Variants in GSE1 observed in about 807,000 individuals in gnomAD.
The protein encoded by GSE1 is Gse1 coiled-coil protein.
GSE1 carries 32 observed loss-of-function variants against 112.6 expected under a neutral mutation model. The observed-to-expected ratio is 0.28, with a 90% confidence interval of 0.21 to 0.38. The LOEUF (loss-of-function observed/expected upper bound fraction) is 0.38. GSE1 is among the 10% of genes least tolerant of loss of function. The pLI is 1.00. For synonymous variants in GSE1, 1,115 were observed against 735.6 expected (o/e 1.52, Z -8.35); for missense variants, 2,348 against 1,699.2 (o/e 1.38, Z -6.71).
Position 85,392,711 on chromosome 16 carries a change from G to A in GSE1, c.2464+35068G>A, listed in dbSNP as rs1455966569. Among the ~76,000 whole-genome samples the A allele has an allele frequency of 3.3e-5, 5 of 152,226 alleles. No homozygotes were observed. In the East Asian group the frequency reaches 9.6e-4, roughly 29 times the overall value. Reference sequence around the variant, plus strand: ...CCACTATCTCTGTATCACAGATGAGGAAACTGAGAGCCAGCCGCATATCAC... The same window carrying A: ...CCACTATCTCTGTATCACAGATGAGAAAACTGAGAGCCAGCCGCATATCAC... On this transcript the variant is annotated intron_variant, in intron 2 of 2. Transcript: ENST00000637419.
intron 2 of GSE1, among the ~76,000 whole-genome samples, chr16:85,502,514 A>G (rs1361417318): frequency 1.3e-5 from 2 of 152,236 alleles, no homozygotes; most frequent in Non-Finnish European, 2.9e-5. Flanking sequence ...TTCTGAGGGC[A>G]ACCGGGCTTC....
rs114889402 is a variant in GSE1 at position 85,540,429 on chromosome 16, C to T, written c.2465-93485C>T. ...GTGGGGAGGGTCTCCTATCGGATCC[C>T]CAACTTGTGCAAAGTGCCTGAGGCT... On this transcript the variant is annotated intron_variant, in intron 2 of 2. Coordinates refer to the GSE1 transcript ENST00000637419. Among the ~76,000 whole-genome samples, 609 of 152,306 alleles carry T rather than the reference C, an allele frequency of 4.0e-3. 4 individuals are homozygous for T. Among genetic ancestry groups the T allele is most frequent in the African/African-American group, 0.013 (536 of 41,556 alleles).
At chr16:85,381,038 C>CTGGACG (rs1490106418) in intron 2 of GSE1, among the ~76,000 whole-genome samples, 2 of 152,204 alleles carry the variant, frequency 1.3e-5, no homozygotes, top group African/African-American at 4.8e-5. Context: ...ACACCACCTC[C>CTGGACG]GTCCAGTGCA....
At chr16:85,314,041 T>C (rs1342228213) in intron 1 of GSE1, among the ~76,000 whole-genome samples, 1 of 151,708 alleles carries the variant, frequency 6.6e-6, no homozygotes, top group Non-Finnish European at 1.5e-5. Context: ...GCCATTTGTG[T>C]GTGTGTCACA....
intron 1 of GSE1, among the ~76,000 whole-genome samples, chr16:85,334,229 G>A (rs2046435918): frequency 6.6e-6 from 1 of 152,194 alleles, no homozygotes; most frequent in Non-Finnish European, 1.5e-5. Flanking sequence ...TGCAGGAGTC[G>A]AGCTGGTCCA....
chr16:85,404,660 GC>G lies in GSE1; in HGVS notation c.2464+47022del, dbSNP rs201026770. Among the ~76,000 whole-genome samples the G allele has an allele frequency of 2.8e-4, 7 of 25,402 alleles. 1 individual carries two copies. The highest frequency in any genetic ancestry group is 2.4e-3 in the African/African-American group (7 of 2,964). 16.7% of individuals were successfully genotyped at this position (25,402 alleles called of 152,430 possible). The stretch of plus-strand genomic sequence containing the variant: ...GATAATCCTCGCTGTTACTCTCAGG[GC>G]CCCCTGGATAATCCTCACTGTTACA... On this transcript the variant is annotated intron_variant, in intron 2 of 2. Coordinates refer to the GSE1 transcript ENST00000637419.
At chr16:85,212,671 C>T (rs2075245791) in intron 1 of GSE1, among the ~76,000 whole-genome samples, 1 of 152,200 alleles carries the variant, frequency 6.6e-6, no homozygotes, top group Admixed American at 6.5e-5. Context: ...GCCACCCAGC[C>T]TGTGGCACTT....
intron 1 of GSE1, among the ~76,000 whole-genome samples, chr16:85,343,320 C>T (rs1005705907): frequency 6.6e-6 from 1 of 152,104 alleles, no homozygotes; most frequent in East Asian, 1.9e-4. Flanking sequence ...GAATGGAGAG[C>T]AGATTAGCGG....
intron 2 of GSE1, among the ~76,000 whole-genome samples, chr16:85,476,586 T>G (rs1352682484): frequency 6.6e-6 from 1 of 150,706 alleles, no homozygotes; most frequent in Admixed American, 6.6e-5. Context: ...CTGTTCCCAC[T>G]GCCTGGAATG....
At chr16:85,220,816 T>C (rs1474757199) in intron 1 of GSE1, among the ~76,000 whole-genome samples, 1 of 152,178 alleles carries the variant, frequency 6.6e-6, no homozygotes, top group Non-Finnish European at 1.5e-5. Flanking sequence ...TATGTGTCTC[T>C]GTCTCTGATT....
intron 1 of GSE1, among the ~76,000 whole-genome samples, chr16:85,629,449 G>A (rs2151708842): frequency 6.6e-6 from 1 of 152,312 alleles, no homozygotes; most frequent in South Asian, 2.1e-4. Context: ...AGCATGTGGT[G>A]TGGTTTGCAG....
intron 1 of GSE1, among the ~76,000 whole-genome samples, chr16:85,231,579 G>A (rs150966602): frequency 1.5e-4 from 23 of 152,218 alleles, no homozygotes; most frequent in East Asian, 1.9e-4. Context: ...ATGAGTAGAT[G>A]ATAGATGGAC....
intron 1 of GSE1, among the ~76,000 whole-genome samples, chr16:85,301,077 C>G (rs1486777289): frequency 6.6e-6 from 1 of 152,220 alleles, no homozygotes; most frequent in East Asian, 1.9e-4. Context: ...TACCGGCTCT[C>G]TAAAGTGGCC....
intron 1 of GSE1, among the ~76,000 whole-genome samples, chr16:85,242,331 GGGCCTGC>G (rs1415301903): frequency 7.2e-5 from 11 of 152,258 alleles, no homozygotes; most frequent in African/African-American, 2.4e-4. Flanking sequence ...CTGCTGGCCA[GGGCCTGC>G]AAACAGGTGA....
chr16:85,492,308 T>A (rs897474882), intron 2 of GSE1, among the ~76,000 whole-genome samples: 1 of 152,162 alleles, frequency 6.6e-6, no homozygotes, highest in African/African-American at 2.4e-5. Context: ...CTCTAGCAGT[T>A]CGGGGACTCA....
At chr16:85,314,741 G>A (rs897417368) in intron 1 of GSE1, among the ~76,000 whole-genome samples, 14 of 152,160 alleles carry the variant, frequency 9.2e-5, no homozygotes, top group Non-Finnish European at 1.9e-4. Context: ...GGTTCCCCAG[G>A]CTTGTTTTCT....
In GSE1 at chr16:85,664,723, C is replaced by T. The variant is rs189744113; in HGVS notation, c.2645-292C>T. 3.2e-4 allele frequency: 100 copies of T among 309,108 alleles called. No individual in the cohort carries two copies. The East Asian group carries it at 5.7e-3, about 18-fold the overall frequency. 19.1% of individuals were successfully genotyped at this position (309,108 alleles called of 1,614,324 possible). On this transcript the variant is annotated intron_variant, in intron 11 of 15. Transcript: ENST00000253458. ...CTGACTTGAAATAAGAATACATCCT[C>T]GCACGTCACCACCGAGGTCCGTGGG... is the stretch of plus-strand genomic sequence containing the variant.
At chr16:85,286,777 T>C (rs1044072729) in intron 1 of GSE1, among the ~76,000 whole-genome samples, 3 of 151,812 alleles carry the variant, frequency 2.0e-5, no homozygotes, top group Non-Finnish European at 2.9e-5. Flanking sequence ...ACTTGGGAAG[T>C]TTAAAGTCAG....
intron 2 of GSE1, among the ~76,000 whole-genome samples, chr16:85,414,332 A>G (rs6564118): frequency 0.68 from 104,135 of 152,194 alleles, 36,251 homozygotes; most frequent in African/African-American, 0.78. Flanking sequence ...TTTCTCCAAC[A>G]TCTATGTCAA....
Sources: gnomAD v4.1 joint callset for allele counts (sites outside exome capture counted in the v4.1 genomes callset) on GRCh38, gnomAD v4.1.1 for gene constraint, MANE v1.5 for transcripts, NCBI Gene and HGNC (gene_info 2026-07-23, HGNC 2026-07-21) for gene names.